CCDC102B: variants seen among roughly 807,000 people sequenced by gnomAD.
CCDC102B encodes the protein coiled-coil domain containing 102B.
In CCDC102B, 75 loss-of-function variants were observed where a neutral mutation model predicts 57.4. The observed-to-expected ratio is 1.31, with a 90% CI of 1.08 to 1.58. The LOEUF is 1.58. Among genes scored for constraint, CCDC102B ranks in the 40% most tolerant of loss-of-function variants. CCDC102B has a pLI of 0.00. For missense variants in CCDC102B, 636 were observed against 582.6 expected (o/e 1.09, Z -0.94); for synonymous variants, 206 against 201.9 (o/e 1.02, Z -0.17).
intron 1 of CCDC102B, among the ~76,000 whole-genome samples, chr18:68,826,171 G>T (rs2036895604): frequency 6.6e-6 from 1 of 152,206 alleles, no homozygotes; most frequent in Admixed American, 6.5e-5. Flanking sequence ...CAGCAATATA[G>T]TTTCTGTGGA....
chr18:68,895,176 C>T (rs112267034), intron 5 of CCDC102B, among the ~76,000 whole-genome samples: 3 of 151,860 alleles, frequency 2.0e-5, no homozygotes, highest in African/African-American at 7.2e-5. Context: ...ATTTTCACCT[C>T]ATATTCCCAA....
intron 6 of CCDC102B, among the ~76,000 whole-genome samples, chr18:68,913,328 G>GTGTGTGTA (rs1396888392): frequency 6.6e-6 from 1 of 151,406 alleles, no homozygotes; most frequent in Non-Finnish European, 1.5e-5. Flanking sequence ...GTGTGTGTGT[G>GTGTGTGTA]TGTGTGTGTG....
chr18:69,040,141 T>G (rs942531572), intron 7 of CCDC102B, among the ~76,000 whole-genome samples: 1 of 151,918 alleles, frequency 6.6e-6, no homozygotes, highest in Non-Finnish European at 1.5e-5. Context: ...ACATGTACAC[T>G]GAAGTTTATT....
chr18:68,985,003 T>C (rs2050687890), intron 6 of CCDC102B, among the ~76,000 whole-genome samples: 1 of 152,160 alleles, frequency 6.6e-6, no homozygotes, highest in Admixed American at 6.6e-5. Flanking sequence ...AAATAATATA[T>C]ACTATTTCTC....
intron 6 of CCDC102B, among the ~76,000 whole-genome samples, chr18:68,910,330 A>G: frequency 6.6e-6 from 1 of 152,172 alleles, no homozygotes; most frequent in East Asian, 1.9e-4. Flanking sequence ...GATCAACAAA[A>G]ATCAATTAGG....
intron 7 of CCDC102B, among the ~76,000 whole-genome samples, chr18:69,027,666 C>CTTTTTTTTTTTTTTTT (rs66690936): frequency 6.7e-6 from 1 of 149,514 alleles, no homozygotes; most frequent in Non-Finnish European, 1.5e-5. Flanking sequence ...GAAGGTGATC[C>CTTTTTTTTTTTTTTTT]TTTTTTTTTT....
intron 1 of CCDC102B, among the ~76,000 whole-genome samples, chr18:68,806,386 G>A (rs867724088): frequency 9.9e-5 from 15 of 152,150 alleles, no homozygotes; most frequent in Admixed American, 4.6e-4. Flanking sequence ...AAGAGAATGA[G>A]AATGTCACAT....
At chr18:68,959,457 C>G (rs2049991014) in intron 6 of CCDC102B, among the ~76,000 whole-genome samples, 1 of 152,124 alleles carries the variant, frequency 6.6e-6, no homozygotes, top group South Asian at 2.1e-4. Context: ...AGACCTGAAG[C>G]CAGCACTGCA....
intron 3 of CCDC102B, among the ~76,000 whole-genome samples, chr18:68,841,796 A>T (rs2037643434): frequency 6.6e-6 from 1 of 151,990 alleles, no homozygotes; most frequent in African/African-American, 2.4e-5. Flanking sequence ...GCAGTGGTGC[A>T]ATGTAAGCTC....
chr18:68,798,463 C>T (rs951508844), intron 1 of CCDC102B: 3 of 151,972 alleles, frequency 2.0e-5, no homozygotes, highest in Admixed American at 6.6e-5. Flanking sequence ...GTAAGAATTT[C>T]GACTCTACAT....
At chr18:69,030,661 TGTTTTG>T (rs1257237759) in intron 7 of CCDC102B, among the ~76,000 whole-genome samples, 12 of 152,102 alleles carry the variant, frequency 7.9e-5, no homozygotes, top group Non-Finnish European at 1.5e-4. Flanking sequence ...AGTATGTTTT[TGTTTTG>T]GTTTTTGTTT....
chr18:68,727,920 G>A (rs906021542), intron 2 of CCDC102B, among the ~76,000 whole-genome samples: 1 of 152,218 alleles, frequency 6.6e-6, no homozygotes, highest in Admixed American at 6.5e-5. Context: ...CTAGCAAGTG[G>A]ACTGTAGATA....
At chr18:68,821,342 C>A (rs2036681941) in intron 1 of CCDC102B, among the ~76,000 whole-genome samples, 2 of 151,234 alleles carry the variant, frequency 1.3e-5, no homozygotes, top group East Asian at 3.9e-4. Flanking sequence ...TGTGTATTTT[C>A]CAGGATGCTA....
In CCDC102B at chr18:68,755,218, G is replaced by C. The variant is rs555525156; in HGVS notation, c.-67+38624G>C. ...TTCAAAGAGAGAAATAGGCTTATGG[G>C]AGGATGTGCTCCCCAGAAAACCTCT... On this transcript the variant is annotated intron_variant, in intron 2 of 3. Transcript: ENST00000578970. 3.3e-5 allele frequency among the ~76,000 whole-genome samples: 5 copies of C among 152,242 alleles called. No homozygotes were observed. In the South Asian group the frequency reaches 8.3e-4, roughly 25 times the overall value.
intron 2 of CCDC102B, among the ~76,000 whole-genome samples, chr18:68,737,436 TTGACTGGCGCTTGTGG>T (rs1430803609): frequency 8.3e-6 from 1 of 120,400 alleles, no homozygotes; most frequent in Non-Finnish European, 1.7e-5. Context: ...CTCCTCCCCA[TTGACTGGCGCTTGTGG>T]TGGTGGTGGT....
chr18:68,856,889 T>G (rs1396065304), intron 4 of CCDC102B, among the ~76,000 whole-genome samples: 2 of 149,706 alleles, frequency 1.3e-5, no homozygotes, highest in Admixed American at 1.4e-4. Context: ...ACATATGTTG[T>G]GTATATATGC....
At position 68,849,301 on chromosome 18, in the gene CCDC102B, T is replaced by A. The variant is rs115650847; in HGVS notation, c.936+2880T>A. 1.8e-3 allele frequency among the ~76,000 whole-genome samples: 267 copies of A among 152,176 alleles called. 1 individual carries two copies. Among genetic ancestry groups the A allele is most frequent in the African/African-American group, 6.1e-3 (252 of 41,520 alleles). ...CTTGAAGATAGTTATTAGAAATAGG[T>A]GTATGGTGGAATATTAGCGCAGTTC... On this transcript the variant is annotated intron_variant, in intron 4 of 7. Coordinates refer to ENST00000360242, the MANE Select transcript of CCDC102B (RefSeq NM_024781.3).
chr18:68,936,963 A>G (rs2049259016), intron 6 of CCDC102B, among the ~76,000 whole-genome samples: 1 of 151,944 alleles, frequency 6.6e-6, no homozygotes, highest in Non-Finnish European at 1.5e-5. Flanking sequence ...AGTAGTGAAT[A>G]CTGAATAAAT....
At chr18:68,938,432 A>G (rs1453140813) in intron 6 of CCDC102B, among the ~76,000 whole-genome samples, 1 of 151,966 alleles carries the variant, frequency 6.6e-6, no homozygotes, top group East Asian at 1.9e-4. Flanking sequence ...ATTAGAATTT[A>G]TACATTTTTG....
Sources: gnomAD v4.1 joint callset for allele counts (sites outside exome capture counted in the v4.1 genomes callset) on GRCh38, gnomAD v4.1.1 for gene constraint, MANE v1.5 for transcripts, NCBI Gene and HGNC (gene_info 2026-07-23, HGNC 2026-07-21) for gene names.